Variants in GFRA2 observed in about 807,000 individuals in gnomAD.
GFRA2 encodes the protein GDNF family receptor alpha-2.
In GFRA2, 17 loss-of-function variants were observed where a neutral mutation model predicts 48.3. The observed-to-expected ratio is 0.35, with a 90% CI of 0.24 to 0.53. The LOEUF is 0.53. GFRA2 is among the 20% of genes least tolerant of loss of function. GFRA2 has a pLI of 0.93. For missense variants in GFRA2, 660 were observed against 637.3 expected (o/e 1.04, Z -0.38); for synonymous variants, 305 against 257.2 (o/e 1.19, Z -1.78).
intron 2 of GFRA2, among the ~76,000 whole-genome samples, chr8:21,797,243 C>G (rs1044333813): frequency 6.7e-6 from 1 of 149,920 alleles, no homozygotes; most frequent in African/African-American, 2.5e-5. Flanking sequence ...ACAGATAACG[C>G]GGACAATTGA....
chr8:21,762,715 G>T (rs889708482), intron 3 of GFRA2, among the ~76,000 whole-genome samples: 2 of 152,066 alleles, frequency 1.3e-5, no homozygotes, highest in Non-Finnish European at 2.9e-5. Flanking sequence ...TAATTTTGTG[G>T]TTCTGACAAT....
Position 21,750,110 on chromosome 8 carries a change from C to CACACACACGCAT in GFRA2, c.794+477_794+478insATGCGTGTGTGT, listed in dbSNP as rs1554492641. ...GTATACACACACACACACACACACA[C>CACACACACGCAT]GCACATATATAGGTAGAGACTGAGT... is the stretch of plus-strand genomic sequence containing the variant. On this transcript the variant is annotated intron_variant, in intron 4 of 8. Transcript: ENST00000524240. The surrounding 1 kb of genome is among the most constrained non-coding windows in gnomAD (Gnocchi z 5.7). Among the ~76,000 whole-genome samples the CACACACACGCAT allele has an allele frequency of 2.0e-5, 3 of 151,368 alleles. No homozygotes were observed. The highest frequency in any genetic ancestry group is 7.3e-5 in the African/African-American group (3 of 41,130).
At chr8:21,733,195 G>A (rs1460637780) in intron 4 of GFRA2, among the ~76,000 whole-genome samples, 4 of 152,154 alleles carry the variant, frequency 2.6e-5, no homozygotes, top group South Asian at 4.2e-4. Context: ...GAAATGTTCC[G>A]CATCCCAGGT....
rs1029429553 is a variant in GFRA2, at chr8:21,768,041, T to C, written c.439+6931A>G. On this transcript the variant is annotated intron_variant, in intron 3 of 8. Transcript: ENST00000524240. ...CTCCGCCACCTGCGGAGAGGGAAGC[T>C]GCCTTCCTCCTGGCGGCCCCAAGCG... Among the ~76,000 whole-genome samples, 14 of 152,196 alleles carry C rather than the reference T, an allele frequency of 9.2e-5. 1 individual carries two copies. The highest frequency in any genetic ancestry group is 7.2e-4 in the Admixed American group (11 of 15,288).
chr8:21,699,518 C>T (rs1036226914), intron 7 of GFRA2, among the ~76,000 whole-genome samples: 1 of 152,144 alleles, frequency 6.6e-6, no homozygotes, highest in Non-Finnish European at 1.5e-5. Context: ...GCATTCTGGG[C>T]CCAGAGTAGC....
At chr8:21,786,466 A>G (rs1350298794) in intron 1 of GFRA2, among the ~76,000 whole-genome samples, 3 of 152,152 alleles carry the variant, frequency 2.0e-5, no homozygotes, top group African/African-American at 7.2e-5. Context: ...TTGGACCCAG[A>G]AGGCTGGGTT....
intron 4 of GFRA2, among the ~76,000 whole-genome samples, chr8:21,743,569 C>A (rs1006459742): frequency 6.6e-6 from 1 of 152,226 alleles, no homozygotes; most frequent in Admixed American, 6.5e-5. Context: ...GCTCTACCTA[C>A]TTCATTAACT....
intron 3 of GFRA2, among the ~76,000 whole-genome samples, chr8:21,767,958 CAG>C (rs71251953): frequency 0.66 from 97,828 of 148,294 alleles, 32,174 homozygotes; most frequent in Non-Finnish European, 0.72. Flanking sequence ...CTGGCGTTGA[CAG>C]AGAGAGAGAG....
chr8:21,778,948 C>A (rs1209739754), intron 2 of GFRA2, among the ~76,000 whole-genome samples: 2 of 152,144 alleles, frequency 1.3e-5, no homozygotes, highest in East Asian at 3.9e-4. Context: ...CGCCTATCAT[C>A]CCACCACTTT....
chr8:21,695,263 T>C (rs1244054657), intron 7 of GFRA2, among the ~76,000 whole-genome samples: 1 of 152,182 alleles, frequency 6.6e-6, no homozygotes, highest in African/African-American at 2.4e-5. Flanking sequence ...GGCCCTCTGT[T>C]ATCATCACTG....
rs1338101835 is a variant in GFRA2, at chr8:21,694,077, T to TATATATATA, written c.1272+386_1272+387insTATATATAT. 8.0e-4 allele frequency among the ~76,000 whole-genome samples: 87 copies of TATATATATA among 109,278 alleles called. 10 individuals carry two copies. Among genetic ancestry groups the TATATATATA allele is most frequent in the South Asian group, 7.9e-3 (26 of 3,300 alleles). The allele number at this position is 109,278 out of a possible 152,430, so 71.7% of individuals were successfully genotyped here. A position where few individuals can be genotyped will look rare whatever the true frequency, so the allele number is the denominator to read the frequency against. On this transcript the variant is annotated intron_variant, in intron 8 of 8. Coordinates refer to ENST00000524240, the MANE Select transcript of GFRA2 (RefSeq NM_001495.5). Reference sequence around the variant, plus strand: ...TATTTATATATATATTTATTTATTTTTATATATATATATATTTCCTATAGT... The same window carrying TATATATATA: ...TATTTATATATATATTTATTTATTTTATATATATATATATATATATATATTTCCTATAGT...
chr8:21,742,389 C>G (rs998143714), intron 4 of GFRA2, among the ~76,000 whole-genome samples: 1 of 152,152 alleles, frequency 6.6e-6, no homozygotes, highest in Admixed American at 6.5e-5. Flanking sequence ...GAGGACGTAA[C>G]CAGGAAAAAG....
intron 6 of GFRA2, among the ~76,000 whole-genome samples, chr8:21,703,566 A>T (rs1802590759): frequency 6.6e-6 from 1 of 152,192 alleles, no homozygotes; most frequent in Non-Finnish European, 1.5e-5. Flanking sequence ...GTTATGTCTA[A>T]GCCTGGGCTA....
At chr8:21,730,358 G>A (rs1804123522) in intron 4 of GFRA2, among the ~76,000 whole-genome samples, 2 of 151,906 alleles carry the variant, frequency 1.3e-5, no homozygotes, top group South Asian at 2.1e-4. Flanking sequence ...AGCCGAGATA[G>A]TGCCATTGCA....
intron 4 of GFRA2, among the ~76,000 whole-genome samples, chr8:21,727,326 G>A (rs1007095021): frequency 7.9e-5 from 12 of 152,144 alleles, no homozygotes; most frequent in African/African-American, 2.7e-4. Context: ...GGGAGCCAGG[G>A]ACAGGGCCTC....
In GFRA2 at chr8:21,711,650, A is replaced by T. The variant is rs144344431; in HGVS notation, c.795-5609T>A. ...TCTTTTTTTAGCATAAGTATGTCCC[A>T]CATAATATCTGGGAAATACTTACGC... is the stretch of plus-strand genomic sequence containing the variant. On this transcript the variant is annotated intron_variant, in intron 4 of 8. Coordinates refer to ENST00000524240, the MANE Select transcript of GFRA2 (RefSeq NM_001495.5). Among the ~76,000 whole-genome samples the T allele has an allele frequency of 1.3e-3, 204 of 152,082 alleles. 1 individual carries two copies. Among genetic ancestry groups the T allele is most frequent in the African/African-American group, 4.7e-3 (194 of 41,442 alleles).
intron 4 of GFRA2, among the ~76,000 whole-genome samples, chr8:21,729,568 T>C (rs1472462393): frequency 6.6e-6 from 1 of 152,168 alleles, no homozygotes; most frequent in Non-Finnish European, 1.5e-5. Flanking sequence ...GGCTTCACTG[T>C]CATTAAAGAA....
At chr8:21,704,284 G>A (rs984824295) in intron 6 of GFRA2, among the ~76,000 whole-genome samples, 20 of 152,154 alleles carry the variant, frequency 1.3e-4, no homozygotes, top group Admixed American at 1.1e-3. Flanking sequence ...TGGCTGACTT[G>A]GGCATCCCCA....
upstream of GFRA2, chr8:21,790,110 A>G: frequency 1.0e-6 from 1 of 985,020 alleles, no homozygotes; most frequent in South Asian, 4.7e-5. Flanking sequence ...AACGCCCAGA[A>G]GGACCTAAAA....
Sources: gnomAD v4.1 joint callset for allele counts (sites outside exome capture counted in the v4.1 genomes callset) on GRCh38, gnomAD v4.1.1 for gene constraint, Gnocchi (gnomAD v3.1) non-coding constraint, MANE v1.5 for transcripts, NCBI Gene and HGNC (gene_info 2026-07-23, HGNC 2026-07-21) for gene names.